NEXMIF: variants seen among roughly 807,000 people sequenced by gnomAD.
NEXMIF encodes XLMR protein related to neurite extension.
Under a neutral mutation model 62.1 loss-of-function variants are expected in NEXMIF, and 8 were observed. The ratio of observed to expected loss-of-function variants is 0.13; its 90% CI spans 0.08 to 0.23. The LOEUF (loss-of-function observed/expected upper bound fraction) is 0.23. Ranked by LOEUF, NEXMIF falls within the 10% of genes least tolerant of loss-of-function variation. NEXMIF has a pLI of 1.00. For missense variants in NEXMIF, 976 were observed against 1,113.3 expected (o/e 0.88, Z 1.75); for synonymous variants, 404 against 416.6 (o/e 0.97, Z 0.37).
chrX:74,818,125 A>T (rs1018357614), intron 1 of NEXMIF, among the ~76,000 whole-genome samples: 73 of 111,122 alleles, frequency 6.6e-4, no homozygotes, highest in African/African-American at 2.2e-3. Flanking sequence ...ATTATAAAAA[A>T]AACTTATAAA....
At chrX:74,869,884 CT>C (rs1213037213) in intron 1 of NEXMIF, among the ~76,000 whole-genome samples, 2 of 110,775 alleles carry the variant, frequency 1.8e-5, no homozygotes, top group African/African-American at 6.6e-5. Context: ...GTTAAAATGT[CT>C]ATACTACCCA....
intron 1 of NEXMIF, among the ~76,000 whole-genome samples, chrX:74,762,772 G>A (rs1263350686): frequency 1.1e-4 from 12 of 111,835 alleles, no homozygotes; most frequent in Non-Finnish European, 9.4e-5. Flanking sequence ...CTTTGGAGAA[G>A]TGTCTGTTCA....
At chrX:74,854,879 T>C (rs1415413146) in intron 1 of NEXMIF, among the ~76,000 whole-genome samples, 3 of 111,670 alleles carry the variant, frequency 2.7e-5, no homozygotes, top group Non-Finnish European at 3.8e-5. Context: ...TGACCTCTTT[T>C]AAAGAAAACT....
chrX:74,908,360 A>T, intron 1 of NEXMIF, among the ~76,000 whole-genome samples: 1 of 112,381 alleles, frequency 8.9e-6, no homozygotes. Context: ...AAGGAATTCC[A>T]TTCCTGGTGT....
intron 1 of NEXMIF, among the ~76,000 whole-genome samples, chrX:74,796,278 AT>A (rs1194915439): frequency 4.1e-5 from 1 of 24,131 alleles, no homozygotes; most frequent in Non-Finnish European, 8.3e-5. Flanking sequence ...ATATATACAT[AT>A]ATATTATATA....
At chrX:74,879,501 G>T (rs1008100756) in intron 1 of NEXMIF, among the ~76,000 whole-genome samples, 1 of 112,327 alleles carries the variant, frequency 8.9e-6, no homozygotes. Context: ...AAGGGGAAAA[G>T]TTAATACATT....
Position 74,739,692 on chromosome X carries a change from T to C in NEXMIF, c.4458-194A>G, listed in dbSNP as rs181368340. 3.3e-3 allele frequency among the ~76,000 whole-genome samples: 366 copies of C among 110,027 alleles called. 2 individuals carry two copies. Among genetic ancestry groups the C allele is most frequent in the African/African-American group, 0.012 (349 of 30,239 alleles). On this transcript the variant is annotated intron_variant, in intron 3 of 3. Coordinates refer to ENST00000055682, the MANE Select transcript of NEXMIF (RefSeq NM_001008537.3). ...GATTTTGTTTTCCAGCTAATGCTCT[T>C]TTGTTTAAATGATCTTGGCTTTTTG...
intron 1 of NEXMIF, among the ~76,000 whole-genome samples, chrX:74,798,724 C>T (rs2080319977): frequency 9.0e-6 from 1 of 110,976 alleles, no homozygotes; most frequent in Non-Finnish European, 1.9e-5. Flanking sequence ...ATAGTTATGT[C>T]TTCTATTAAC....
chrX:74,794,468 G>C (rs1247183937), intron 1 of NEXMIF, among the ~76,000 whole-genome samples: 2 of 111,402 alleles, frequency 1.8e-5, no homozygotes, highest in Non-Finnish European at 3.8e-5. Context: ...AGCCTACAGA[G>C]GCAGGCAGGC....
At chrX:74,746,693 C>A (rs751756572) in intron 1 of NEXMIF, among the ~76,000 whole-genome samples, 1 of 112,486 alleles carries the variant, frequency 8.9e-6, no homozygotes, top group Non-Finnish European at 1.9e-5. Context: ...AACAGTTCCA[C>A]GTGATTCAAT....
At chrX:74,904,340 A>C (rs372119641) in intron 1 of NEXMIF, among the ~76,000 whole-genome samples, 4 of 112,197 alleles carry the variant, frequency 3.6e-5, no homozygotes, top group African/African-American at 1.3e-4. Flanking sequence ...GGACAGGAAC[A>C]AACTTGCTGG....
intron 3 of NEXMIF, 70 bp downstream of exon 3, chrX:74,740,030 G>T: frequency 1.0e-6 from 1 of 988,496 alleles, no homozygotes. Flanking sequence ...AAAAAATGAG[G>T]GACTGCGGGC....
intron 1 of NEXMIF, among the ~76,000 whole-genome samples, chrX:74,815,532 A>AT (rs1237740765): frequency 9.0e-6 from 1 of 111,018 alleles, no homozygotes; most frequent in East Asian, 2.8e-4. Flanking sequence ...TCCTTTCCAC[A>AT]TATTCTCATT....
chrX:74,912,423 C>G (rs992562188), intron 1 of NEXMIF, among the ~76,000 whole-genome samples: 1 of 111,864 alleles, frequency 8.9e-6, no homozygotes, highest in Non-Finnish European at 1.9e-5. Flanking sequence ...AAGACTTTCC[C>G]TCTACTCAAA....
intron 1 of NEXMIF, among the ~76,000 whole-genome samples, chrX:74,872,972 TG>T (rs1425395651): frequency 1.8e-5 from 2 of 110,294 alleles, no homozygotes; most frequent in Non-Finnish European, 3.8e-5. Context: ...AAAATTGTTT[TG>T]GTTTTTTTTT....
At chrX:74,860,692 G>A (rs939895348) in intron 1 of NEXMIF, among the ~76,000 whole-genome samples, 9 of 111,611 alleles carry the variant, frequency 8.1e-5, no homozygotes, top group Non-Finnish European at 1.7e-4. Context: ...CAAATATAGA[G>A]TGAAAACAAA....
chrX:74,755,892 AT>A (rs1008764794), intron 1 of NEXMIF, among the ~76,000 whole-genome samples: 74 of 109,810 alleles, frequency 6.7e-4, no homozygotes, highest in African/African-American at 1.5e-3. Context: ...TAAATTAAAA[AT>A]TTTTTTTTTG....
At chrX:74,814,572 G>A (rs1009957185) in intron 1 of NEXMIF, among the ~76,000 whole-genome samples, 1 of 111,743 alleles carries the variant, frequency 8.9e-6, no homozygotes, top group Non-Finnish European at 1.9e-5. Flanking sequence ...TATCCCTGGG[G>A]AATTTCCAGT....
chrX:74,770,128 G>A (rs989209421), intron 1 of NEXMIF, among the ~76,000 whole-genome samples: 5 of 112,064 alleles, frequency 4.5e-5, no homozygotes, highest in African/African-American at 1.6e-4. Context: ...AGCTTCTGAG[G>A]TGATATTTGG....
Sources: allele counts gnomAD v4.1 joint callset (sites outside exome capture counted in the v4.1 genomes callset), GRCh38; gene constraint gnomAD v4.1.1; transcripts MANE v1.5; gene names NCBI Gene and HGNC (gene_info 2026-07-23, HGNC 2026-07-21).